EYA4: variants seen among roughly 807,000 people sequenced by gnomAD.
EYA4 encodes EYA transcriptional coactivator and phosphatase 4, also known as protein phosphatase EYA4.
EYA4 carries 31 observed loss-of-function variants against 87.9 expected under a neutral mutation model. That is an observed-to-expected ratio of 0.35 (90% CI 0.27 to 0.48). EYA4 has a LOEUF of 0.48. Among genes scored for constraint, EYA4 ranks in the 20% least tolerant of loss-of-function variants. The probability of loss-of-function intolerance (pLI) is 0.99; values close to 1 mark genes in which losing one functional copy is unlikely to be tolerated. For synonymous variants in EYA4, 263 were observed against 270.6 expected, an observed-to-expected ratio of 0.97 and a Z score of 0.28; for missense variants, 678 against 761.4, an observed-to-expected ratio of 0.89 and a Z score of 1.29.
chr6:133,531,022 G>C lies in EYA4; in HGVS notation c.*2217G>C. On this transcript the variant is annotated 3_prime_UTR_variant, in exon 20 of 20. Transcript: ENST00000355286. ...TACTGTATAGCTGGTTTCTTTAAAT[G>C]TTGATAGAATTGTGGCATTACATCT... 7.3e-7 allele frequency: 1 copy of C among 1,372,272 alleles called. No homozygotes were observed. The highest frequency in any genetic ancestry group is 9.4e-7 in the Non-Finnish European group (1 of 1,065,542). 85.0% of individuals were successfully genotyped at this position (1,372,272 alleles called of 1,614,324 possible). A position where few individuals can be genotyped will look rare whatever the true frequency, so the allele number is the denominator to read the frequency against.
At chr6:133,414,783 A>C (rs189894831) in intron 3 of EYA4, among the ~76,000 whole-genome samples, 1 of 152,058 alleles carries the variant, frequency 6.6e-6, no homozygotes, top group Non-Finnish European at 1.5e-5. Context: ...AGTTCTTTTT[A>C]GTTTTTTTCA....
intron 3 of EYA4, among the ~76,000 whole-genome samples, chr6:133,412,300 CAG>C (rs1431769828): frequency 6.6e-6 from 1 of 152,066 alleles, no homozygotes; most frequent in Non-Finnish European, 1.5e-5. Context: ...AATATGCAAA[CAG>C]AAAATTATAC....
At chr6:133,474,328 G>T (rs2128689936) in intron 11 of EYA4, among the ~76,000 whole-genome samples, 1 of 152,004 alleles carries the variant, frequency 6.6e-6, no homozygotes, top group African/African-American at 2.4e-5. Context: ...AACACAGATG[G>T]TTACTTTCCT....
intron 17 of EYA4, among the ~76,000 whole-genome samples, chr6:133,519,838 A>G (rs988367947): frequency 6.7e-6 from 1 of 150,202 alleles, no homozygotes; most frequent in African/African-American, 2.5e-5. Flanking sequence ...AGGCTGGTTC[A>G]ATATATGCAA....
intron 11 of EYA4, among the ~76,000 whole-genome samples, chr6:133,480,660 CTGATA>C (rs1185676239): frequency 1.3e-5 from 2 of 152,188 alleles, no homozygotes; most frequent in East Asian, 3.9e-4. Context: ...TGATTACATA[CTGATA>C]TGATAACATG....
intron 19 of EYA4, among the ~76,000 whole-genome samples, chr6:133,528,420 A>G (rs1800804357): frequency 6.6e-6 from 1 of 152,124 alleles, no homozygotes; most frequent in Non-Finnish European, 1.5e-5. Context: ...TTGCTTTCCC[A>G]GATGTTGATG....
At chr6:133,450,135 G>A (rs1002396570) in intron 5 of EYA4, among the ~76,000 whole-genome samples, 38 of 151,942 alleles carry the variant, frequency 2.5e-4, no homozygotes, top group Non-Finnish European at 4.6e-4. Flanking sequence ...ACAGGCACCC[G>A]CCACGACACC....
At chr6:133,455,821 C>T (rs541954798) in intron 5 of EYA4, among the ~76,000 whole-genome samples, 1 of 152,050 alleles carries the variant, frequency 6.6e-6, no homozygotes, top group Non-Finnish European at 1.5e-5. Flanking sequence ...CGCCCCATCA[C>T]CCTTGTTGCA....
At chr6:133,477,015 G>A (rs1458290536) in intron 11 of EYA4, among the ~76,000 whole-genome samples, 1 of 127,232 alleles carries the variant, frequency 7.9e-6, no homozygotes, top group Admixed American at 8.8e-5. Context: ...TACATGTTTG[G>A]TAGTTCCTTC....
At chr6:133,283,751 G>T (rs1391080775) in intron 2 of EYA4, among the ~76,000 whole-genome samples, 1 of 152,116 alleles carries the variant, frequency 6.6e-6, no homozygotes, top group African/African-American at 2.4e-5. Context: ...GATGAAGTCT[G>T]GGCTTTCAGT....
chr6:133,412,375 C>T (rs1158775005), intron 3 of EYA4, among the ~76,000 whole-genome samples: 1 of 151,988 alleles, frequency 6.6e-6, no homozygotes, highest in African/African-American at 2.4e-5. Context: ...TAATCCGTAC[C>T]CAGAGAAGAC....
Position 133,516,203 on chromosome 6 carries a change from T to C in EYA4, c.1616+768T>C, listed in dbSNP as rs1799581250. On this transcript the variant is annotated intron_variant, in intron 17 of 19. Coordinates refer to ENST00000355286, the MANE Select transcript of EYA4 (RefSeq NM_004100.5). Reference sequence around the variant, plus strand: ...TAAATGATGAGAACTCATGGACACATATAGGGAAACAACAGACACTGGGGC... The same window carrying C: ...TAAATGATGAGAACTCATGGACACACATAGGGAAACAACAGACACTGGGGC... Among the ~76,000 whole-genome samples the C allele has an allele frequency of 2.0e-5, 3 of 151,934 alleles. No homozygotes were observed. The South Asian group carries it at 6.3e-4, about 32-fold the overall frequency.
chr6:133,243,089 CGTGTGT>C (rs3065226), intron 1 of EYA4, among the ~76,000 whole-genome samples: 8 of 145,372 alleles, frequency 5.5e-5, no homozygotes, highest in African/African-American at 1.0e-4. Context: ...GGAGCAACTT[CGTGTGT>C]GTGTGTGTGT....
At chr6:133,379,252 C>A (rs1199984343) in intron 2 of EYA4, among the ~76,000 whole-genome samples, 3 of 152,012 alleles carry the variant, frequency 2.0e-5, no homozygotes, top group Non-Finnish European at 4.4e-5. Flanking sequence ...CACTGCACTC[C>A]TGCCTAAATG....
chr6:133,364,617 T>A (rs762561649), intron 2 of EYA4, among the ~76,000 whole-genome samples: 10 of 152,250 alleles, frequency 6.6e-5, no homozygotes, highest in Non-Finnish European at 1.5e-4. Context: ...TGACTCCTCT[T>A]GAAACTGGCG....
intron 3 of EYA4, among the ~76,000 whole-genome samples, chr6:133,400,158 ATAT>A (rs1238243555): frequency 6.6e-6 from 1 of 152,236 alleles, no homozygotes; most frequent in Non-Finnish European, 1.5e-5. Context: ...CACTGAATAC[ATAT>A]TATGTGCAAA....
At chr6:133,348,989 C>G (rs1217496040) in intron 2 of EYA4, among the ~76,000 whole-genome samples, 1 of 152,164 alleles carries the variant, frequency 6.6e-6, no homozygotes, top group Non-Finnish European at 1.5e-5. Context: ...TTAGTTGCAC[C>G]TTTGACATTG....
intron 3 of EYA4, among the ~76,000 whole-genome samples, chr6:133,406,114 T>G (rs2128525636): frequency 6.6e-6 from 1 of 152,294 alleles, no homozygotes; most frequent in Middle Eastern, 3.4e-3. Context: ...GCTGTCAAAC[T>G]TCATTCATAT....
intron 2 of EYA4, among the ~76,000 whole-genome samples, chr6:133,330,604 G>A (rs977275087): frequency 6.7e-6 from 1 of 149,390 alleles, no homozygotes; most frequent in Non-Finnish European, 1.5e-5. Context: ...TACTTTTTTG[G>A]GGGGGATAAG....
Sources: allele counts gnomAD v4.1 joint callset (sites outside exome capture counted in the v4.1 genomes callset), GRCh38; gene constraint gnomAD v4.1.1; transcripts MANE v1.5; gene names NCBI Gene and HGNC (gene_info 2026-07-23, HGNC 2026-07-21).